Variants in EVC observed in about 807,000 individuals in gnomAD.
EVC encodes the protein EvC ciliary complex subunit 1.
In EVC, 116 loss-of-function variants were observed where a neutral mutation model predicts 118.9. The observed-to-expected ratio is 0.98, with a 90% CI of 0.84 to 1.14. EVC has a LOEUF of 1.14. Ranked by LOEUF, EVC falls within the 50% of genes most tolerant of loss-of-function variation. The probability of loss-of-function intolerance (pLI) is 0.00; values close to 1 mark genes in which losing one functional copy is unlikely to be tolerated. For missense variants in EVC, 1,401 were observed against 1,246.4 expected, an observed-to-expected ratio of 1.12 and a Z score of -1.87; for synonymous variants, 619 against 534.7, an observed-to-expected ratio of 1.16 and a Z score of -2.18.
intron 11 of EVC, among the ~76,000 whole-genome samples, chr4:5,775,200 T>C (rs1734538910): frequency 6.6e-6 from 1 of 152,152 alleles, no homozygotes; most frequent in Non-Finnish European, 1.5e-5. Context: ...TCTCAGAGGC[T>C]AGAAAATAAT....
chr4:5,775,981 T>C (rs1002530918), intron 11 of EVC, among the ~76,000 whole-genome samples: 5 of 152,192 alleles, frequency 3.3e-5, no homozygotes, highest in African/African-American at 1.2e-4. Context: ...TTAATATTGC[T>C]TTGTGGTTTC....
At chr4:5,764,031 T>C (rs1443239144) in intron 11 of EVC, among the ~76,000 whole-genome samples, 1 of 148,678 alleles carries the variant, frequency 6.7e-6, no homozygotes, top group Non-Finnish European at 1.5e-5. Context: ...TGATATTGGC[T>C]GGGGGTTTGT....
In EVC at chr4:5,756,185, G is replaced by C. The variant is rs1731134910; in HGVS notation, c.1465-79G>C. 2 of 1,081,206 alleles carry C rather than the reference G, an allele frequency of 1.8e-6. No homozygotes were observed. Among genetic ancestry groups the C allele is most frequent in the Non-Finnish European group, 2.8e-6 (2 of 723,260 alleles). 67.0% of individuals were successfully genotyped at this position (1,081,206 alleles called of 1,614,324 possible). A position where few individuals can be genotyped will look rare whatever the true frequency, so the allele number is the denominator to read the frequency against. On this transcript the variant is annotated intron_variant, in intron 10 of 20. Coordinates refer to ENST00000264956, the MANE Select transcript of EVC (RefSeq NM_153717.3). This position sits in a 1 kb window ranked among gnomAD's most constrained non-coding sequence, Gnocchi z 4.2. ...CTTCTTTCTAACCTGAGATGCAGGGGATGGTTGGAGAACCTTCTGGAAAAA... is the reference window on the plus strand; with the variant it reads ...CTTCTTTCTAACCTGAGATGCAGGGCATGGTTGGAGAACCTTCTGGAAAAA...
At chr4:5,736,529 A>T (rs1668366732) in intron 5 of EVC, among the ~76,000 whole-genome samples, 1 of 149,492 alleles carries the variant, frequency 6.7e-6, no homozygotes, top group African/African-American at 2.5e-5. Flanking sequence ...TTTTTTTACA[A>T]ATTGAAGGGT....
intron 11 of EVC, among the ~76,000 whole-genome samples, chr4:5,772,220 A>C (rs1004913003): frequency 6.6e-6 from 1 of 152,030 alleles, no homozygotes; most frequent in Non-Finnish European, 1.5e-5. Context: ...TAATTTAGTA[A>C]AACTACTGGG....
At chr4:5,783,276 A>G (rs1383877232) in intron 11 of EVC, among the ~76,000 whole-genome samples, 5 of 151,954 alleles carry the variant, frequency 3.3e-5, no homozygotes, top group African/African-American at 1.2e-4. Context: ...CTGTGTCTGC[A>G]TGCATATGTG....
At chr4:5,768,743 G>C (rs1467678482) in intron 11 of EVC, among the ~76,000 whole-genome samples, 1 of 151,450 alleles carries the variant, frequency 6.6e-6, no homozygotes, top group Non-Finnish European at 1.5e-5. Flanking sequence ...TGTTATCCCA[G>C]CTACTCGGGA....
intron 1 of EVC, among the ~76,000 whole-genome samples, chr4:5,714,853 G>A (rs1723685151): frequency 6.6e-6 from 1 of 152,088 alleles, no homozygotes; most frequent in Admixed American, 6.6e-5. Flanking sequence ...TGCCCAGGCT[G>A]GAGTTCAGTG....
At chr4:5,757,970 G>A in intron 11 of EVC, 1 of 648,096 alleles carries the variant, frequency 1.5e-6, no homozygotes, top group Non-Finnish European at 2.8e-6. Context: ...TCGGAATGTG[G>A]CCACACTTGG....
rs564769513 is a variant in EVC at position 5,786,318 on chromosome 4, C to T, written c.1776+2554C>T. 1.6e-4 allele frequency among the ~76,000 whole-genome samples: 24 copies of T among 152,316 alleles called. No individual in the cohort carries two copies. The South Asian group carries it at 1.9e-3, about 12-fold the overall frequency. On this transcript the variant is annotated intron_variant, in intron 12 of 20. Transcript: ENST00000264956. ...CAAAACACCTGTGATTCATCTAAAA[C>T]TCTCTGGTTAGGAGTCTTAAGTTAT...
At chr4:5,794,569 C>T (rs1308416620) in intron 13 of EVC, among the ~76,000 whole-genome samples, 1 of 151,256 alleles carries the variant, frequency 6.6e-6, no homozygotes, top group East Asian at 1.9e-4. Context: ...CACCATCATG[C>T]CTGGCTAATT....
chr4:5,797,171 C>T lies in EVC; in HGVS notation c.2036C>T (p.Ala679Val). ...CTGCAGGAGCTGCGGGAACAGCGTG[C>T]ACTGGAGCAGGGGTCCTCCCAGTGC... ...HLLQELREQRALEQGSSQCLD... is the reference protein window; with the variant it reads ...HLLQELREQRVLEQGSSQCLD... The change falls in exon 14 of 21, where the codon GCA becomes GTA. Residue 679 changes from alanine (A) to valine (V), a missense_variant. By Grantham distance (64) the Ala-to-Val change is moderately conservative. Transcript: ENST00000264956. 1 of 1,613,502 alleles carries T rather than the reference C, an allele frequency of 6.2e-7. No individual in the cohort carries two copies. Among genetic ancestry groups the T allele is most frequent in the Non-Finnish European group, 8.5e-7 (1 of 1,180,016 alleles).
At chr4:5,726,309 T>A (rs1725802002) in intron 2 of EVC, among the ~76,000 whole-genome samples, 1 of 152,220 alleles carries the variant, frequency 6.6e-6, no homozygotes, top group Admixed American at 6.5e-5. Context: ...GCTTTGGGCT[T>A]GCCTGTCTGC....
intron 2 of EVC, among the ~76,000 whole-genome samples, chr4:5,726,869 A>G (rs1382136801): frequency 6.6e-6 from 1 of 151,174 alleles, no homozygotes; most frequent in Non-Finnish European, 1.5e-5. Flanking sequence ...ATGATTTCCA[A>G]TTTCATCCAT....
chr4:5,786,590 A>G (rs16837678), intron 12 of EVC, among the ~76,000 whole-genome samples: 45,586 of 152,088 alleles, frequency 0.3, 7,195 homozygotes, highest in South Asian at 0.51. Flanking sequence ...TTAACACATG[A>G]TAGCCGGGTG....
rs1460341166 is a variant in EVC, at chr4:5,793,618, A to C, written c.1787A>C (p.Glu596Ala). The stretch of plus-strand genomic sequence containing the variant: ...CTGTCCCGAGTTCAGGTGTGGATGG[A>C]GGAGTGTGCGCTGTCCAGCGTGCTG... ...LLEQDQQVWM[E>A]ECALSSVLQT... Residue 596 changes from glutamate to alanine, a missense_variant, in exon 13 of 21, where the codon GAG (glutamate) becomes GCG (alanine). By Grantham distance (107) the Glu-to-Ala change is moderately radical. Transcript: ENST00000264956. 2 of 1,551,090 alleles carry C rather than the reference A, an allele frequency of 1.3e-6. No homozygotes were observed. The highest frequency in any genetic ancestry group is 2.0e-5 in the Admixed American group (1 of 51,022).
chr4:5,788,637 A>C (rs778258101), intron 12 of EVC, among the ~76,000 whole-genome samples: 1 of 152,188 alleles, frequency 6.6e-6, no homozygotes, highest in Non-Finnish European at 1.5e-5. Context: ...CACACCCTAC[A>C]TCGGTGGACA....
In EVC at chr4:5,731,858, G is replaced by T. The variant is rs1560296992; in HGVS notation, c.617+201G>T. On this transcript the variant is annotated intron_variant, in intron 4 of 20. Transcript: ENST00000264956. This position sits in a 1 kb window ranked among gnomAD's most constrained non-coding sequence, Gnocchi z 5.6. ...TGTATTGCCCAACACTGGGGTTATG[G>T]AGTCAGGCCTGAGCCCCGGGGAGAG... Among the ~76,000 whole-genome samples, 1 of 152,272 alleles carries T rather than the reference G, an allele frequency of 6.6e-6. No individual in the cohort carries two copies. Among genetic ancestry groups the T allele is most frequent in the South Asian group, 2.1e-4 (1 of 4,822 alleles).
At chr4:5,727,112 G>A (rs1203206796) in intron 2 of EVC, among the ~76,000 whole-genome samples, 1 of 152,040 alleles carries the variant, frequency 6.6e-6, no homozygotes. Flanking sequence ...GGGTCAAATG[G>A]TATTTCCAGT....
Sources: allele counts gnomAD v4.1 joint callset (sites outside exome capture counted in the v4.1 genomes callset), GRCh38; gene constraint gnomAD v4.1.1; non-coding constraint Gnocchi (gnomAD v3.1); transcripts MANE v1.5; gene names NCBI Gene and HGNC (gene_info 2026-07-23, HGNC 2026-07-21).